PDE6D: variants seen among roughly 807,000 people sequenced by gnomAD.
PDE6D encodes the protein phosphodiesterase 6D, also known as retinal rod rhodopsin-sensitive cGMP 3',5'-cyclic phosphodiesterase subunit delta.
In PDE6D, 10 loss-of-function variants were observed where a neutral mutation model predicts 21.9. The observed-to-expected ratio is 0.46, with a 90% confidence interval of 0.28 to 0.78. PDE6D has a LOEUF of 0.78. Ranked by LOEUF, PDE6D falls within the 30% of genes least tolerant of loss-of-function variation. The probability of loss-of-function intolerance (pLI) is 0.12; values close to 1 mark genes in which losing one functional copy is unlikely to be tolerated. For synonymous variants in PDE6D, 59 were observed against 63.5 expected, an observed-to-expected ratio of 0.93 and a Z score of 0.34; for missense variants, 139 against 184.8, an observed-to-expected ratio of 0.75 and a Z score of 1.44.
chr2:231,761,652 A>C (rs759859236), intron 1 of PDE6D, among the ~76,000 whole-genome samples: 1 of 152,250 alleles, frequency 6.6e-6, no homozygotes, highest in Non-Finnish European at 1.5e-5. Flanking sequence ...ATCTAGCTAT[A>C]TTCATAGTTT....
chr2:231,776,834 GT>G (rs1054305968), intron 1 of PDE6D, among the ~76,000 whole-genome samples: 5 of 152,158 alleles, frequency 3.3e-5, no homozygotes, highest in African/African-American at 1.2e-4. Context: ...TGTTCCCCAA[GT>G]AACATTTCAT....
chr2:231,759,525 A>G (rs1263935063), intron 1 of PDE6D, among the ~76,000 whole-genome samples: 1 of 152,126 alleles, frequency 6.6e-6, no homozygotes, highest in East Asian at 1.9e-4. Flanking sequence ...TCAAATGTCT[A>G]AAAAATTGTT....
intron 1 of PDE6D, among the ~76,000 whole-genome samples, chr2:231,774,779 CG>C (rs2049041392): frequency 6.6e-6 from 1 of 151,868 alleles, no homozygotes; most frequent in African/African-American, 2.4e-5. Flanking sequence ...TTAGTAGAGA[CG>C]GGGTTTCACC....
At chr2:231,752,166 GA>G (rs947196454) in intron 1 of PDE6D, among the ~76,000 whole-genome samples, 8 of 152,232 alleles carry the variant, frequency 5.3e-5, no homozygotes, top group Admixed American at 4.6e-4. Flanking sequence ...CATGTCTCAG[GA>G]ATTCATTTGA....
chr2:231,765,101 A>AG (rs916458708), intron 1 of PDE6D, among the ~76,000 whole-genome samples: 7 of 149,736 alleles, frequency 4.7e-5, no homozygotes, highest in African/African-American at 1.7e-4. Flanking sequence ...TCTCCACGGA[A>AG]GGGAAAAAAA....
intron 1 of PDE6D, among the ~76,000 whole-genome samples, chr2:231,749,415 T>C (rs2048820235): frequency 6.6e-6 from 1 of 152,130 alleles, no homozygotes; most frequent in South Asian, 2.1e-4. Flanking sequence ...ACCCCCACCG[T>C]ATCTAGGAAA....
intron 4 of PDE6D, among the ~76,000 whole-genome samples, chr2:231,735,235 C>T (rs1358526569): frequency 1.6e-5 from 2 of 126,086 alleles, no homozygotes; most frequent in East Asian, 2.1e-4. Context: ...GAGCGAGACT[C>T]CATATCAAAA....
At chr2:231,736,733 C>T (rs554392793) in intron 4 of PDE6D, among the ~76,000 whole-genome samples, 1 of 152,106 alleles carries the variant, frequency 6.6e-6, no homozygotes, top group Non-Finnish European at 1.5e-5. Flanking sequence ...TACAGAGATA[C>T]CGGAAGTACG....
intron 1 of PDE6D, among the ~76,000 whole-genome samples, chr2:231,774,593 CTT>C (rs141853180): frequency 9.5e-5 from 14 of 147,794 alleles, no homozygotes; most frequent in East Asian, 2.0e-4. Context: ...TGAATATTAT[CTT>C]TTTTTTTTTT....
At chr2:231,751,427 G>A (rs1043004359) in intron 1 of PDE6D, among the ~76,000 whole-genome samples, 6 of 152,314 alleles carry the variant, frequency 3.9e-5, no homozygotes, top group East Asian at 3.9e-4. Context: ...GATTACAGGC[G>A]TGAGCACTAT....
At position 231,744,469 on chromosome 2, in the gene PDE6D, T is replaced by C. The variant is rs575308909; in HGVS notation, c.51-5281A>G. On this transcript the variant is annotated intron_variant, in intron 1 of 4. Coordinates refer to ENST00000287600, the MANE Select transcript of PDE6D (RefSeq NM_002601.4). ...TTTTTTTGGAGACAGAGTTTCGCTCTTGTTGCCCCGACTGGAGTGAATGGC... is the reference window on the plus strand; with the variant it reads ...TTTTTTTGGAGACAGAGTTTCGCTCCTGTTGCCCCGACTGGAGTGAATGGC... Among the ~76,000 whole-genome samples, 216 of 151,420 alleles carry C rather than the reference T, an allele frequency of 1.4e-3. 1 individual carries two copies. The highest frequency in any genetic ancestry group is 4.6e-3 in the African/African-American group (188 of 41,296).
intron 1 of PDE6D, among the ~76,000 whole-genome samples, chr2:231,755,681 G>A (rs1002559615): frequency 7.2e-5 from 11 of 152,232 alleles, no homozygotes; most frequent in African/African-American, 2.7e-4. Context: ...AGCACTTTGG[G>A]AGGCTGAGGC....
At chr2:231,733,971 G>A (rs1017404899) in intron 4 of PDE6D, among the ~76,000 whole-genome samples, 14 of 152,072 alleles carry the variant, frequency 9.2e-5, no homozygotes, top group Non-Finnish European at 1.9e-4. Flanking sequence ...CCAGCACTTT[G>A]GGAGTCCGAG....
intron 1 of PDE6D, among the ~76,000 whole-genome samples, chr2:231,755,067 T>G (rs1315275898): frequency 6.6e-6 from 1 of 152,034 alleles, no homozygotes; most frequent in Non-Finnish European, 1.5e-5. Context: ...CCTAGAGAGC[T>G]TTCTCCTCTC....
At chr2:231,744,267 A>G (rs553994329) in intron 1 of PDE6D, among the ~76,000 whole-genome samples, 32 of 152,314 alleles carry the variant, frequency 2.1e-4, no homozygotes, top group Non-Finnish European at 3.7e-4. Flanking sequence ...ATTAAATGAT[A>G]AAAAAGAAAG....
intron 1 of PDE6D, among the ~76,000 whole-genome samples, chr2:231,780,833 C>T (rs1053453078): frequency 3.1e-4 from 47 of 152,192 alleles, no homozygotes; most frequent in Admixed American, 2.0e-4. Flanking sequence ...CCGTCTCCAC[C>T]CGCCACCCCC....
At position 231,732,956 on chromosome 2, in the gene PDE6D, A is replaced by T; in HGVS notation, c.449T>A (p.Val150Asp). 6.2e-7 allele frequency: 1 copy of T among 1,605,338 alleles called. No individual in the cohort carries two copies. Among genetic ancestry groups the T allele is most frequent in the Non-Finnish European group, 8.5e-7 (1 of 1,172,856 alleles). The change falls in exon 5 of 5, where the codon GTT becomes GAT. Residue 150 changes from valine (V) to aspartate (D), a missense_variant. Physicochemically the swap from Val to Asp is radical, Grantham distance 152 (BLOSUM62 -3). Transcript: ENST00000287600. ...VSTSRVRLFY[V>D] ...AAATGTACACACATTCTTCTTTCAAACATAGAAAAGTCTCACTCTGGATGT... is the reference window on the plus strand; with the variant it reads ...AAATGTACACACATTCTTCTTTCAATCATAGAAAAGTCTCACTCTGGATGT...
chr2:231,773,985 G>A (rs1426449290), intron 1 of PDE6D, among the ~76,000 whole-genome samples: 2 of 152,232 alleles, frequency 1.3e-5, no homozygotes, highest in African/African-American at 4.8e-5. Flanking sequence ...CCAGGCTGGA[G>A]TGCACTGGCG....
At chr2:231,758,188 A>G (rs779540089) in intron 1 of PDE6D, among the ~76,000 whole-genome samples, 12 of 152,176 alleles carry the variant, frequency 7.9e-5, no homozygotes, top group Non-Finnish European at 1.2e-4. Context: ...AGATAGGTAG[A>G]TAGATAGTGC....
Sources: gnomAD v4.1 joint callset for allele counts (sites outside exome capture counted in the v4.1 genomes callset) on GRCh38, gnomAD v4.1.1 for gene constraint, MANE v1.5 for transcripts, NCBI Gene and HGNC (gene_info 2026-07-23, HGNC 2026-07-21) for gene names.